The following RNF41 variants were observed in gnomAD, a reference collection of about 807,000 sequenced individuals.
RNF41 encodes the protein E3 ubiquitin-protein ligase NRDP1.
Under a neutral mutation model 33.0 loss-of-function variants are expected in RNF41, and 4 were observed. The ratio of observed to expected loss-of-function variants is 0.12; its 90% CI spans 0.06 to 0.28. RNF41 has a LOEUF of 0.28. RNF41 is among the 10% of genes least tolerant of loss of function. The pLI, the probability that RNF41 is intolerant of heterozygous loss-of-function variation, is 1.00. For missense variants in RNF41, 228 were observed against 432.6 expected (o/e 0.53, Z 4.19); for synonymous variants, 164 against 153.2 (o/e 1.07, Z -0.52).
At chr12:56,219,735 C>A (rs1222148542) in intron 1 of RNF41, among the ~76,000 whole-genome samples, 2 of 151,552 alleles carry the variant, frequency 1.3e-5, no homozygotes, top group Admixed American at 1.3e-4. Flanking sequence ...CGAAAGGAGG[C>A]TGGACGCAGT....
intron 3 of RNF41, chr12:56,212,842 C>A: frequency 2.1e-6 from 1 of 487,466 alleles, no homozygotes; most frequent in South Asian, 1.8e-5. Context: ...AACCTCATTG[C>A]CTAGTGTCCT....
At position 56,213,881 on chromosome 12, in the gene RNF41, C is replaced by T. The variant is rs78398296; in HGVS notation, c.90+77G>A. The stretch of plus-strand genomic sequence containing the variant: ...AGAACACAGTGACTTCACCATGGGT[C>T]CCGCTGCCCATGAATATTTTCTACT... On this transcript the variant is annotated intron_variant, in intron 3 of 6. Coordinates refer to ENST00000345093, the MANE Select transcript of RNF41 (RefSeq NM_005785.4). 9.9e-3 allele frequency: 9,144 copies of T among 925,528 alleles called. 64 individuals carry two copies. Among genetic ancestry groups the T allele is most frequent in the Non-Finnish European group, 0.013 (7,303 of 553,008 alleles). 57.3% of individuals were successfully genotyped at this position (925,528 alleles called of 1,614,324 possible). A position where few individuals can be genotyped will look rare whatever the true frequency, so the allele number is the denominator to read the frequency against.
intron 3 of RNF41, chr12:56,213,117 C>T (rs781220038): frequency 6.0e-5 from 78 of 1,289,282 alleles, no homozygotes; most frequent in Non-Finnish European, 7.5e-5. Flanking sequence ...ATGCAGAGTG[C>T]ATGGCTGTAT....
chr12:56,211,101 C>T (rs1374860679), intron 3 of RNF41, among the ~76,000 whole-genome samples: 7 of 152,142 alleles, frequency 4.6e-5, no homozygotes, highest in Non-Finnish European at 1.5e-5. Flanking sequence ...AGGAGAATAG[C>T]TTGAACCCAG....
rs1411732391 is a variant in RNF41, at chr12:56,202,839, A to G, written c.*3608T>C. On this transcript the variant is annotated 3_prime_UTR_variant, in exon 7 of 7. Transcript: ENST00000345093. ...ATTCAATGAATATTTGTTTCTAAAA[A>G]TCGTATCTTCTGTAAAAGGACAATA... The G allele has an allele frequency of 6.6e-6, 1 of 152,210 alleles. No individual in the cohort carries two copies. Among genetic ancestry groups the G allele is most frequent in the African/African-American group, 2.4e-5 (1 of 41,468 alleles). 9.4% of individuals were successfully genotyped at this position (152,210 alleles called of 1,614,324 possible). A position where few individuals can be genotyped will look rare whatever the true frequency, so the allele number is the denominator to read the frequency against.
In RNF41 at chr12:56,207,760, G is replaced by A; in HGVS notation, c.499-11C>T. The A allele has an allele frequency of 6.2e-7, 1 of 1,602,598 alleles. No individual in the cohort carries two copies. On this transcript the variant is annotated splice_polypyrimidine_tract_variant and intron_variant, in intron 5 of 6. Transcript: ENST00000345093. ...CTGGATGTCTCGCTTCTGTTGTGGG[G>A]AAGAAGAACAGGAATAATGGTTAAG...
Position 56,204,272 on chromosome 12 carries a change from A to C in RNF41, c.*2175T>G, listed in dbSNP as rs1340321597. On this transcript the variant is annotated 3_prime_UTR_variant, in exon 7 of 7. Transcript: ENST00000345093. ...AGACCCTGGGAAGCACACAGTTCAG[A>C]TCACTAGAGAGCTTTGGCTGCTACA... is the stretch of plus-strand genomic sequence containing the variant. 3.3e-5 allele frequency: 5 copies of C among 152,242 alleles called. No homozygotes were observed. The allele number at this position is 152,242 out of a possible 1,614,324, so 9.4% of individuals were successfully genotyped here. A position where few individuals can be genotyped will look rare whatever the true frequency, so the allele number is the denominator to read the frequency against.
At chr12:56,219,042 G>A (rs1327434338) in intron 1 of RNF41, among the ~76,000 whole-genome samples, 3 of 149,750 alleles carry the variant, frequency 2.0e-5, no homozygotes, top group African/African-American at 4.9e-5. Context: ...TTCCTCTGTC[G>A]CTCAGGATGG....
At chr12:56,216,912 G>A (rs556859500) in intron 1 of RNF41, among the ~76,000 whole-genome samples, 14 of 152,082 alleles carry the variant, frequency 9.2e-5, no homozygotes, top group African/African-American at 2.4e-4. Flanking sequence ...AGGCCAAGGC[G>A]GGTGGATCAC....
intron 3 of RNF41, among the ~76,000 whole-genome samples, chr12:56,210,961 C>A (rs1454321051): frequency 3.3e-5 from 5 of 152,062 alleles, no homozygotes; most frequent in Non-Finnish European, 5.9e-5. Flanking sequence ...CCGAGGCAGG[C>A]GGATCATGAG....
rs1878676977 is a variant in RNF41, at chr12:56,203,395, G to C, written c.*3052C>G. ...AAAGGTAGCAGCAAATACTTATGAA[G>C]ACTGGTTTTTTTTTTTTTTTTTTTG... On this transcript the variant is annotated 3_prime_UTR_variant, in exon 7 of 7. Transcript: ENST00000345093. The C allele has an allele frequency of 1.0e-5, 1 of 98,846 alleles. No homozygotes were observed. The highest frequency in any genetic ancestry group is 2.0e-5 in the Non-Finnish European group (1 of 49,430). The allele number at this position is 98,846 out of a possible 1,614,324, so 6.1% of individuals were successfully genotyped here. A position where few individuals can be genotyped will look rare whatever the true frequency, so the allele number is the denominator to read the frequency against.
Position 56,210,429 on chromosome 12 carries a change from G to A in RNF41, c.230C>T (p.Ser77Leu). Reference sequence around the variant, plus strand: ...GTTGTCACAGGCAATCTGCAGCTTTGACAACATGTTCCGCATGATCCGAGG... The same window carrying A: ...GTTGTCACAGGCAATCTGCAGCTTTAACAACATGTTCCGCATGATCCGAGG... ...PVPRIMRNML[S>L]KLQIACDNAV... is the part of the protein sequence containing the mutation. The change falls in exon 4 of 7, where the codon TCA becomes TTA. Residue 77 changes from serine (S) to leucine (L), a missense_variant. Ser to Leu is a moderately radical substitution (Grantham distance 145). This residue lies in a region of RNF41 where 199 missense variants were observed against 334.6 expected (regional missense o/e 0.59). Transcript: ENST00000345093. 6.2e-7 allele frequency: 1 copy of A among 1,614,228 alleles called. No homozygotes were observed. Among genetic ancestry groups the A allele is most frequent in the Non-Finnish European group, 8.5e-7 (1 of 1,180,044 alleles).
rs1353655712 is a variant in RNF41 at position 56,202,931 on chromosome 12, G to C, written c.*3516C>G. On this transcript the variant is annotated 3_prime_UTR_variant, in exon 7 of 7. Transcript: ENST00000345093. ...TAAAAGTAATTTTAAAGGAGTTTAA[G>C]GGGGGAAAAGCACTGCTAATGTCAC... The C allele has an allele frequency of 6.6e-6, 1 of 152,182 alleles. No homozygotes were observed. The highest frequency in any genetic ancestry group is 2.4e-5 in the African/African-American group (1 of 41,432). The allele number at this position is 152,182 out of a possible 1,614,324, so 9.4% of individuals were successfully genotyped here. A position where few individuals can be genotyped will look rare whatever the true frequency, so the allele number is the denominator to read the frequency against.
intron 3 of RNF41, among the ~76,000 whole-genome samples, chr12:56,211,572 C>T (rs1168361527): frequency 6.6e-6 from 1 of 152,038 alleles, no homozygotes; most frequent in Non-Finnish European, 1.5e-5. Flanking sequence ...CTAGCTCAAT[C>T]ACGGCAGGTA....
At chr12:56,218,670 G>A (rs1257298526) in intron 1 of RNF41, among the ~76,000 whole-genome samples, 2 of 149,104 alleles carry the variant, frequency 1.3e-5, no homozygotes, top group East Asian at 1.9e-4. Context: ...ATTAATATAA[G>A]GTATATATAA....
rs1868249788 is a variant in RNF41, at chr12:56,205,345, A to G, written c.*1102T>C. The G allele has an allele frequency of 6.6e-6, 1 of 152,164 alleles. No individual in the cohort carries two copies. The highest frequency in any genetic ancestry group is 1.5e-5 in the Non-Finnish European group (1 of 68,028). 9.4% of individuals were successfully genotyped at this position (152,164 alleles called of 1,614,324 possible). A position where few individuals can be genotyped will look rare whatever the true frequency, so the allele number is the denominator to read the frequency against. On this transcript the variant is annotated 3_prime_UTR_variant, in exon 7 of 7. Transcript: ENST00000345093. ...GCCGAGGACTCCCTTGGCTCTTCCTATATTAAAGCCAAAGGTTGTGCTGAA... is the reference window on the plus strand; with the variant it reads ...GCCGAGGACTCCCTTGGCTCTTCCTGTATTAAAGCCAAAGGTTGTGCTGAA...
chr12:56,215,705 A>G (rs1868832913), intron 2 of RNF41, among the ~76,000 whole-genome samples: 1 of 131,600 alleles, frequency 7.6e-6, no homozygotes, highest in Non-Finnish European at 1.6e-5. Flanking sequence ...GTGACAGAGC[A>G]CGACTCTGTC....
In RNF41 at chr12:56,203,308, C is replaced by G. The variant is rs2135794296; in HGVS notation, c.*3139G>C. On this transcript the variant is annotated 3_prime_UTR_variant, in exon 7 of 7. Coordinates refer to ENST00000345093, the MANE Select transcript of RNF41 (RefSeq NM_005785.4). ...AAGCGATTCTTGTGCCTTAGCCTTC[C>G]AAGGAGCTGGGATCATAGTGGCGTC... 1 of 151,600 alleles carries G rather than the reference C, an allele frequency of 6.6e-6. No homozygotes were observed. The highest frequency in any genetic ancestry group is 1.9e-4 in the East Asian group (1 of 5,154). 9.4% of individuals were successfully genotyped at this position (151,600 alleles called of 1,614,324 possible). A position where few individuals can be genotyped will look rare whatever the true frequency, so the allele number is the denominator to read the frequency against.
At chr12:56,221,393 T>C (rs1869417624) in intron 1 of RNF41, among the ~76,000 whole-genome samples, 1 of 152,156 alleles carries the variant, frequency 6.6e-6, no homozygotes, top group African/African-American at 2.4e-5. Context: ...CCACCGCCCC[T>C]GCCCAGGCTG....
Sources: allele counts gnomAD v4.1 joint callset (sites outside exome capture counted in the v4.1 genomes callset), GRCh38; gene constraint gnomAD v4.1.1; regional missense constraint gnomAD v4.1.1; transcripts MANE v1.5; gene names NCBI Gene and HGNC (gene_info 2026-07-23, HGNC 2026-07-21).